Variants in EFCAB13 observed in about 807,000 individuals in gnomAD.
EFCAB13 encodes the protein EF-hand calcium binding domain 13.
Under a neutral mutation model 110.2 loss-of-function variants are expected in EFCAB13, and 91 were observed. That is an observed-to-expected ratio of 0.83 (90% CI 0.70 to 0.98). The LOEUF is 0.98. EFCAB13 is among the 50% of genes least tolerant of loss of function. The pLI, the probability that EFCAB13 is intolerant of heterozygous loss-of-function variation, is 0.00. For synonymous variants in EFCAB13, 323 were observed against 369.9 expected (o/e 0.87, Z 1.45); for missense variants, 968 against 1,119.4 (o/e 0.86, Z 1.93).
chr17:47,415,407 T>C (rs893668119), intron 23 of EFCAB13, among the ~76,000 whole-genome samples: 4 of 152,078 alleles, frequency 2.6e-5, no homozygotes, highest in Non-Finnish European at 5.9e-5. Flanking sequence ...AAAAAGACTA[T>C]CTGGATTTCA....
chr17:47,328,059 C>T, intron 3 of EFCAB13: 1 of 468,384 alleles, frequency 2.1e-6, no homozygotes, highest in Middle Eastern at 5.4e-4. Context: ...TCTCAAACCA[C>T]AAAAGGTAAA....
intron 7 of EFCAB13, 45 bp from the exon 8 acceptor site, chr17:47,344,971 G>A (rs1230815317): frequency 2.2e-6 from 3 of 1,391,484 alleles, no homozygotes; most frequent in Admixed American, 1.8e-5. Flanking sequence ...AATGGAATTT[G>A]CATATTTTCA....
At chr17:47,379,567 T>G (rs987089854) in intron 14 of EFCAB13, among the ~76,000 whole-genome samples, 67 of 151,954 alleles carry the variant, frequency 4.4e-4, no homozygotes, top group African/African-American at 1.5e-3. Context: ...TGGTTTGTTT[T>G]TTTTTTTCCC....
intron 9 of EFCAB13, among the ~76,000 whole-genome samples, chr17:47,354,110 T>C (rs936499046): frequency 1.3e-5 from 2 of 152,226 alleles, no homozygotes; most frequent in African/African-American, 4.8e-5. Context: ...ATTTTTTAAA[T>C]TTCCATCTTG....
intron 12 of EFCAB13, 144 bp from the exon 13 acceptor site, chr17:47,377,622 T>C (rs539137775): frequency 1.0e-5 from 6 of 588,738 alleles, no homozygotes; most frequent in East Asian, 3.3e-5. Context: ...TAAACAGATA[T>C]GGAGAGAAAA....
chr17:47,379,518 A>T (rs113088037), intron 14 of EFCAB13, among the ~76,000 whole-genome samples: 1 of 151,978 alleles, frequency 6.6e-6, no homozygotes, highest in Non-Finnish European at 1.5e-5. Context: ...GAGATCAAAT[A>T]GGTAATTAGC....
At position 47,352,104 on chromosome 17, in the gene EFCAB13, G is replaced by A. The variant is rs527579679; in HGVS notation, c.661+4153G>A. ...TTTTTAGTAGAGACGGGGTTTCACC[G>A]TGTTAGCCAGGATGGTCTCGATCTC... On this transcript the variant is annotated intron_variant, in intron 9 of 24. Coordinates refer to ENST00000331493, the MANE Select transcript of EFCAB13 (RefSeq NM_152347.5). 5.0e-3 allele frequency among the ~76,000 whole-genome samples: 751 copies of A among 150,840 alleles called. 2 individuals carry two copies. The highest frequency in any genetic ancestry group is 0.01 in the Middle Eastern group (3 of 292).
intron 12 of EFCAB13, among the ~76,000 whole-genome samples, chr17:47,375,375 C>T (rs1598739770): frequency 6.6e-6 from 1 of 152,200 alleles, no homozygotes; most frequent in African/African-American, 2.4e-5. Context: ...ACTGCAGCCT[C>T]GACCTTTTGT....
chr17:47,403,821 A>C (rs1239078912), intron 18 of EFCAB13, 57 bp from the exon 19 acceptor site: 1 of 1,480,782 alleles, frequency 6.8e-7, no homozygotes, highest in East Asian at 2.3e-5. Flanking sequence ...TTCCACTAAC[A>C]AATGTCTTGA....
intron 17 of EFCAB13, among the ~76,000 whole-genome samples, chr17:47,400,325 T>C (rs1204916108): frequency 1.3e-5 from 2 of 152,228 alleles, no homozygotes; most frequent in East Asian, 1.9e-4. Context: ...ATAATTGAGC[T>C]ACAAATTCTT....
intron 24 of EFCAB13, chr17:47,430,841 T>C (rs1416973324): frequency 6.6e-6 from 1 of 152,136 alleles, no homozygotes; most frequent in African/African-American, 2.4e-5. Context: ...TTATCTTGAT[T>C]GACCCTTTTA....
intron 1 of EFCAB13, among the ~76,000 whole-genome samples, 183 bp downstream of exon 1, chr17:47,324,257 AAG>A (rs1370781930): frequency 6.6e-6 from 1 of 152,040 alleles, no homozygotes; most frequent in Non-Finnish European, 1.5e-5. Flanking sequence ...GAGTGGGACA[AAG>A]GGGCAGATTG....
rs140897967 is a variant in EFCAB13, at chr17:47,343,763, C to A, written c.304-399C>A. On this transcript the variant is annotated intron_variant, in intron 6 of 24. Coordinates refer to ENST00000331493, the MANE Select transcript of EFCAB13 (RefSeq NM_152347.5). ...TAGGGATAATCGAAAACAAAATTAC[C>A]TGTATCATTTGAATAACTGTGTTGA... is the stretch of plus-strand genomic sequence containing the variant. 7.0e-3 allele frequency among the ~76,000 whole-genome samples: 1,069 copies of A among 152,142 alleles called. 8 individuals are homozygous for A. The highest frequency in any genetic ancestry group is 0.031 in the Middle Eastern group (9 of 294).
In EFCAB13 at chr17:47,429,888, A is replaced by C. The variant is rs767716967; in HGVS notation, c.2565A>C (p.Thr855=). 3.7e-6 allele frequency: 6 copies of C among 1,613,238 alleles called. No individual in the cohort carries two copies. The highest frequency in any genetic ancestry group is 1.1e-5 in the South Asian group (1 of 90,950). ...TAGTTGATGTCTCTGACCTCAAGAC[A>C]TTATTGATGGACAAGGACCTTCATA... The part of the protein sequence containing the change: ...NDLVDVSDLK[T]LLMDKDLHTA... The change falls in exon 24 of 25, where the codon ACA becomes ACC. Residue 855 remains threonine, a synonymous_variant. Transcript: ENST00000331493.
intron 9 of EFCAB13, among the ~76,000 whole-genome samples, chr17:47,349,507 A>G (rs2065436244): frequency 6.6e-6 from 1 of 152,170 alleles, no homozygotes; most frequent in Non-Finnish European, 1.5e-5. Flanking sequence ...TACAATATGT[A>G]AATTTTTTTC....
Position 47,361,519 on chromosome 17 carries a change from AC to A in EFCAB13, c.804del (p.Asp268GlufsTer15). 1 of 1,559,210 alleles carries A rather than the reference AC, an allele frequency of 6.4e-7. No individual in the cohort carries two copies. Among genetic ancestry groups the A allele is most frequent in the Non-Finnish European group, 8.7e-7 (1 of 1,150,110 alleles). ...LEEVTKHTYI[D>X]SNHMVDIGDI... ...GAAGTGACAAAACATACCTATATTG[AC>A]AGTGAGTTATTTGCATTGAGATATA... On this transcript the variant is annotated frameshift_variant and splice_region_variant, in exon 10 of 25. Transcript: ENST00000331493. LOFTEE classifies it high-confidence loss of function.
chr17:47,324,414 C>G (rs1246063354), intron 1 of EFCAB13, 40 bp from the exon 2 acceptor site: 1 of 152,072 alleles, frequency 6.6e-6, no homozygotes, highest in African/African-American at 2.4e-5. Context: ...TCTTGCGGGT[C>G]GTTCACTCGC....
At position 47,404,652 on chromosome 17, in the gene EFCAB13, T is replaced by TA. The variant is rs2065796389; in HGVS notation, c.2233+20dup. ...TATATTGGTAAGAGCTTTATGGTAA[T>TA]ACTGTTAGAAGGCAATGATACAGAA... On this transcript the variant is annotated intron_variant, in intron 20 of 24. Coordinates refer to ENST00000331493, the MANE Select transcript of EFCAB13 (RefSeq NM_152347.5). 6.3e-7 allele frequency: 1 copy of TA among 1,579,660 alleles called. No individual in the cohort carries two copies. Among genetic ancestry groups the TA allele is most frequent in the Non-Finnish European group, 8.7e-7 (1 of 1,150,918 alleles).
chr17:47,379,685 GA>G (rs1567793083), intron 14 of EFCAB13, among the ~76,000 whole-genome samples: 1 of 151,616 alleles, frequency 6.6e-6, no homozygotes, highest in Non-Finnish European at 1.5e-5. Flanking sequence ...CTCATCCACT[GA>G]TTTTTATTAA....
Sources: allele counts gnomAD v4.1 joint callset (sites outside exome capture counted in the v4.1 genomes callset), GRCh38; gene constraint gnomAD v4.1.1; transcripts MANE v1.5; gene names NCBI Gene and HGNC (gene_info 2026-07-23, HGNC 2026-07-21).